Variants in SPATA22 observed in about 807,000 individuals in gnomAD.
SPATA22 encodes the protein spermatogenesis associated 22, also known as spermatogenesis-associated protein 22.
A neutral mutation model predicts 47.8 loss-of-function variants in SPATA22; 29 were observed. The ratio of observed to expected loss-of-function variants is 0.61; its 90% CI spans 0.45 to 0.83. The LOEUF (loss-of-function observed/expected upper bound fraction) is 0.83. SPATA22 is among the 40% of genes least tolerant of loss of function. The probability of loss-of-function intolerance (pLI) is 0.00; values close to 1 mark genes in which losing one functional copy is unlikely to be tolerated. For synonymous variants in SPATA22, 133 were observed against 140.9 expected (o/e 0.94, Z 0.40); for missense variants, 410 against 421.7 (o/e 0.97, Z 0.24).
chr17:3,478,026 A>G (rs973110660), intron 1 of SPATA22, among the ~76,000 whole-genome samples: 1 of 151,880 alleles, frequency 6.6e-6, no homozygotes, highest in African/African-American at 2.4e-5. Flanking sequence ...ACTAAAAAAA[A>G]TACAAAAAAT....
chr17:3,447,624 C>T (rs1437833189), intron 6 of SPATA22, among the ~76,000 whole-genome samples: 2 of 152,076 alleles, frequency 1.3e-5, no homozygotes, highest in South Asian at 4.1e-4. Flanking sequence ...GAAAAGATTG[C>T]TTTTTCAGAC....
intron 3 of SPATA22, among the ~76,000 whole-genome samples, chr17:3,463,927 CCCTCTCCCTCTCCCTCTCCCTCTG>C (rs2073196666): frequency 1.4e-5 from 1 of 69,784 alleles, no homozygotes. Flanking sequence ...CTCTCCCTCT[CCCTCTCCCTCTCCCTCTCCCTCTG>C]CCTCTCCCTC....
At chr17:3,508,427 G>A (rs891200605) in intron 1 of SPATA22, among the ~76,000 whole-genome samples, 3 of 151,672 alleles carry the variant, frequency 2.0e-5, no homozygotes, top group African/African-American at 7.3e-5. Flanking sequence ...TATAAATCAT[G>A]CTGCTATAAA....
intron 3 of SPATA22, 108 bp downstream of exon 3, chr17:3,467,318 G>A (rs2073336935): frequency 4.3e-6 from 4 of 938,416 alleles, no homozygotes; most frequent in Non-Finnish European, 4.6e-6. Context: ...TGTGGATAAT[G>A]GAAAGAAGAA....
At chr17:3,492,750 C>G (rs1321889585) in intron 1 of SPATA22, among the ~76,000 whole-genome samples, 1 of 152,158 alleles carries the variant, frequency 6.6e-6, no homozygotes, top group East Asian at 1.9e-4. Flanking sequence ...TCATGCAACT[C>G]CAGCTGACAG....
rs1414457737 is a variant in SPATA22, at chr17:3,465,160, G to A, written c.172+2266C>T. 3.0e-5 allele frequency among the ~76,000 whole-genome samples: 4 copies of A among 132,044 alleles called. 1 individual carries two copies. The highest frequency in any genetic ancestry group is 5.0e-5 in the Non-Finnish European group (3 of 59,948). The allele number at this position is 132,044 out of a possible 152,430, so 86.6% of individuals were successfully genotyped here. A position where few individuals can be genotyped will look rare whatever the true frequency, so the allele number is the denominator to read the frequency against. On this transcript the variant is annotated intron_variant, in intron 3 of 8. Coordinates refer to ENST00000572969, the MANE Select transcript of SPATA22 (RefSeq NM_001170698.2). Reference sequence around the variant, plus strand: ...ACCCCGTCCGGGAGGGAGGTGGGGGGGTCAGCCCCCCGCCCGGCCAGCCGC... The same window carrying A: ...ACCCCGTCCGGGAGGGAGGTGGGGGAGTCAGCCCCCCGCCCGGCCAGCCGC...
chr17:3,443,730 G>T (rs749926895), intron 7 of SPATA22, among the ~76,000 whole-genome samples: 14 of 151,624 alleles, frequency 9.2e-5, no homozygotes, highest in Non-Finnish European at 1.9e-4. Flanking sequence ...GAGCAAACTG[G>T]GTATTAAATT....
intron 1 of SPATA22, among the ~76,000 whole-genome samples, chr17:3,489,692 G>T (rs2073789042): frequency 6.6e-6 from 1 of 152,182 alleles, no homozygotes; most frequent in African/African-American, 2.4e-5. Context: ...AAATATTAAA[G>T]TCTGCAAATA....
At chr17:3,479,794 T>C (rs1376211987) in intron 1 of SPATA22, among the ~76,000 whole-genome samples, 1 of 152,186 alleles carries the variant, frequency 6.6e-6, no homozygotes, top group Non-Finnish European at 1.5e-5. Flanking sequence ...AGTAGGTCCC[T>C]TGAAGATACT....
intron 7 of SPATA22, among the ~76,000 whole-genome samples, chr17:3,444,874 G>A (rs1282291318): frequency 1.3e-5 from 2 of 151,922 alleles, no homozygotes; most frequent in Non-Finnish European, 2.9e-5. Context: ...GTCTAGCCTA[G>A]GAACTCAGGA....
rs768036969 is a variant in SPATA22, at chr17:3,440,241, G to A, written c.998C>T (p.Pro333Leu). 29 of 1,610,916 alleles carry A rather than the reference G, an allele frequency of 1.8e-5. No homozygotes were observed. The East Asian group carries it at 4.9e-4, about 27-fold the overall frequency. The part of the protein sequence containing the change: ...KNIFQCVSVR[P>L]ASVSEQKTFQ... ...AGTTTTTTGTTCAGAAACAGACGCCGGTCTGACAGAAACACATTGGAAAAT... is the reference window on the plus strand; with the variant it reads ...AGTTTTTTGTTCAGAAACAGACGCCAGTCTGACAGAAACACATTGGAAAAT... The change falls in exon 9 of 9, where the codon CCG becomes CTG. Residue 333 changes from proline (P) to leucine (L), a missense_variant. Physicochemically the swap from Pro to Leu is moderately conservative, Grantham distance 98. Transcript: ENST00000572969.
chr17:3,464,126 G>A (rs960509852), intron 3 of SPATA22, among the ~76,000 whole-genome samples: 15 of 152,116 alleles, frequency 9.9e-5, no homozygotes, highest in African/African-American at 3.4e-4. Flanking sequence ...GATTGCAGGC[G>A]CGCGCCGCCA....
intron 1 of SPATA22, among the ~76,000 whole-genome samples, chr17:3,496,888 A>G (rs1484791279): frequency 1.3e-5 from 2 of 152,040 alleles, no homozygotes; most frequent in Non-Finnish European, 2.9e-5. Flanking sequence ...AACACGGTGA[A>G]ACCCCATCTC....
chr17:3,473,686 C>T (rs1263266054), upstream of SPATA22, among the ~76,000 whole-genome samples: 1 of 152,054 alleles, frequency 6.6e-6, no homozygotes, highest in East Asian at 1.9e-4. Context: ...TTAGTAGAGA[C>T]GGGGTTTCAC....
intron 5 of SPATA22, among the ~76,000 whole-genome samples, chr17:3,453,883 TA>T (rs1304632295): frequency 2.0e-5 from 3 of 152,092 alleles, no homozygotes; most frequent in African/African-American, 7.2e-5. Context: ...GCCAATCAAT[TA>T]GCCAAGAAAA....
At chr17:3,463,619 C>T (rs1419089627) in intron 3 of SPATA22, among the ~76,000 whole-genome samples, 1 of 151,928 alleles carries the variant, frequency 6.6e-6, no homozygotes, top group African/African-American at 2.4e-5. Context: ...ACTGTATACA[C>T]TACTGTACAC....
At chr17:3,446,416 T>C in intron 7 of SPATA22, 56 bp downstream of exon 7, 1 of 1,535,154 alleles carries the variant, frequency 6.5e-7, no homozygotes, top group Non-Finnish European at 8.8e-7. Context: ...TAATCAGACA[T>C]TAAAACCTGT....
At chr17:3,494,201 A>C (rs1430126619) in intron 1 of SPATA22, 2 of 641,392 alleles carry the variant, frequency 3.1e-6, no homozygotes, top group Admixed American at 3.9e-5. Context: ...GATGGGGTTC[A>C]CCATGTTGGC....
upstream of SPATA22, chr17:3,476,416 G>A: frequency 6.3e-7 from 1 of 1,599,956 alleles, no homozygotes; most frequent in Non-Finnish European, 8.6e-7. Context: ...GCTTTGTATT[G>A]TATATGTATG....
Sources: gnomAD v4.1 joint callset for allele counts (sites outside exome capture counted in the v4.1 genomes callset) on GRCh38, gnomAD v4.1.1 for gene constraint, MANE v1.5 for transcripts, NCBI Gene and HGNC (gene_info 2026-07-23, HGNC 2026-07-21) for gene names.